BCOR: variants seen among roughly 807,000 people sequenced by gnomAD.
BCOR encodes BCL-6 corepressor.
Under a neutral mutation model 86.7 loss-of-function variants are expected in BCOR, and 10 were observed. The observed-to-expected ratio is 0.12, with a 90% CI of 0.07 to 0.20. The LOEUF (loss-of-function observed/expected upper bound fraction) is 0.20, where lower values mean the gene tolerates loss of function less well. Among genes scored for constraint, BCOR ranks in the 10% least tolerant of loss-of-function variants. BCOR has a pLI of 1.00. For missense variants in BCOR, 1,259 were observed against 1,452.1 expected, an observed-to-expected ratio of 0.87 and a Z score of 2.16; for synonymous variants, 611 against 609.0, an observed-to-expected ratio of 1.00 and a Z score of -0.05.
At chrX:40,106,621 T>C (rs1484968009) in intron 1 of BCOR, among the ~76,000 whole-genome samples, 1 of 111,626 alleles carries the variant, frequency 9.0e-6, no homozygotes, top group Non-Finnish European at 1.9e-5. Context: ...GCAGTTTTAA[T>C]GCTCTGCTTT....
intron 3 of BCOR, among the ~76,000 whole-genome samples, 191 bp from the exon 4 acceptor site, chrX:40,075,371 G>A (rs1935756638): frequency 9.0e-6 from 1 of 111,409 alleles, no homozygotes; most frequent in African/African-American, 3.3e-5. Context: ...TTTGCTGCCT[G>A]CCTTCTCACC....
chrX:40,116,386 A>G (rs1009653740), intron 1 of BCOR, among the ~76,000 whole-genome samples: 6 of 109,329 alleles, frequency 5.5e-5, no homozygotes, highest in Non-Finnish European at 1.1e-4. Flanking sequence ...AGTCCCAGCT[A>G]CTCGGGAGGC....
intron 1 of BCOR, among the ~76,000 whole-genome samples, chrX:40,145,541 C>T (rs1053882718): frequency 9.0e-6 from 1 of 111,280 alleles, no homozygotes; most frequent in African/African-American, 3.3e-5. Flanking sequence ...GTGTGACCTC[C>T]ACTAAGCCTG....
chrX:40,170,312 T>C (rs893406235), intron 1 of BCOR, among the ~76,000 whole-genome samples: 1 of 110,503 alleles, frequency 9.0e-6, no homozygotes, highest in Non-Finnish European at 1.9e-5. Flanking sequence ...GCCAGGAAGC[T>C]ACTATAAATT....
At chrX:40,137,070 G>A (rs1937695534) in intron 1 of BCOR, among the ~76,000 whole-genome samples, 1 of 112,132 alleles carries the variant, frequency 8.9e-6, no homozygotes, top group Non-Finnish European at 1.9e-5. Context: ...CTTCACTGGG[G>A]GGAACTTCAA....
At chrX:40,052,570 TTTTTTTTTTTTG>T (rs1934368795) in intron 14 of BCOR, among the ~76,000 whole-genome samples, 170 bp from the exon 15 acceptor site, 2 of 61,261 alleles carry the variant, frequency 3.3e-5, no homozygotes, top group South Asian at 1.1e-3. Context: ...TTTTTTTTTT[TTTTTTTTTTTTG>T]GAGACGGAAT....
At chrX:40,176,504 A>C (rs1282283486) in intron 1 of BCOR, among the ~76,000 whole-genome samples, 6 of 110,780 alleles carry the variant, frequency 5.4e-5, no homozygotes, top group Admixed American at 2.8e-4. Flanking sequence ...AAGAGCGGCG[A>C]CTCCATTCTT....
intron 1 of BCOR, among the ~76,000 whole-genome samples, chrX:40,148,557 T>A: frequency 9.0e-6 from 1 of 110,755 alleles, no homozygotes; most frequent in Middle Eastern, 4.6e-3. Flanking sequence ...GGGCCCTTCA[T>A]GGGGGAGGAG....
At position 40,053,900 on chromosome X, in the gene BCOR, T is replaced by C. The variant is rs1368201343; in HGVS notation, c.4962A>G (p.Val1654=). The change falls in exon 14 of 15, where the codon GTA becomes GTG. Residue 1654 remains valine (V), a synonymous_variant. Coordinates refer to ENST00000378444, the MANE Select transcript of BCOR (RefSeq NM_001123385.2). ...TPLLPCYNIQ[V]SVAQGPRNWL... is the part of the protein sequence containing the mutation. ...GCCATGCTCACCCCTGAGCCACAGA[T>C]ACTTGGATGTTATAACACGGTAAGA... is the stretch of plus-strand genomic sequence containing the variant. 8.3e-7 allele frequency: 1 copy of C among 1,211,332 alleles called. No individual in the cohort carries two copies.
chrX:40,078,091 C>T, intron 1 of BCOR, 122 bp from the exon 2 acceptor site: 4 of 499,292 alleles, frequency 8.0e-6, no homozygotes, highest in Non-Finnish European at 1.4e-5. Flanking sequence ...CAGGCTGTGC[C>T]TGCTGTCTAC....
intron 1 of BCOR, among the ~76,000 whole-genome samples, chrX:40,111,586 C>T (rs981524974): frequency 2.7e-5 from 3 of 111,797 alleles, no homozygotes; most frequent in Non-Finnish European, 5.6e-5. Flanking sequence ...AGAAGATCTG[C>T]TCTGTGTATT....
chrX:40,123,604 C>T (rs1340494202), intron 1 of BCOR, among the ~76,000 whole-genome samples: 1 of 111,069 alleles, frequency 9.0e-6, no homozygotes, highest in Non-Finnish European at 1.9e-5. Flanking sequence ...CCGCCCGCCT[C>T]GGCCTCCCAA....
chrX:40,092,621 G>T (rs1569172495), intron 1 of BCOR, among the ~76,000 whole-genome samples: 2 of 111,436 alleles, frequency 1.8e-5, no homozygotes, highest in Admixed American at 9.5e-5. Context: ...CCACAAAGTG[G>T]AAAGCTACCC....
chrX:40,086,339 G>A (rs1278072909), intron 1 of BCOR, among the ~76,000 whole-genome samples: 3 of 112,697 alleles, frequency 2.7e-5, no homozygotes, highest in Non-Finnish European at 5.6e-5. Flanking sequence ...CTTACTTAGG[G>A]CTGAAAGTTA....
At chrX:40,101,846 G>T (rs1258954448), upstream of BCOR, among the ~76,000 whole-genome samples, 24 of 112,796 alleles carry the variant, frequency 2.1e-4, no homozygotes, top group Admixed American at 2.2e-3. Context: ...ATGACACTTG[G>T]TACTGGAACA....
chrX:40,175,354 C>T (rs1387107269), intron 1 of BCOR, among the ~76,000 whole-genome samples: 1 of 113,379 alleles, frequency 8.8e-6, no homozygotes, highest in African/African-American at 3.2e-5. Flanking sequence ...CCGGCGGCCG[C>T]CCAGCGCCCG....
In BCOR at chrX:40,108,657, C is replaced by T. The variant is rs945651374; in HGVS notation, c.-40-30688G>A. On this transcript the variant is annotated intron_variant, in intron 1 of 14. Transcript: ENST00000342274. ...CGTTACAGCGCTGCCCCTGGGAGAG[C>T]TTGAACATTAACGAGTCGCCTCGGG... Among the ~76,000 whole-genome samples, 3 of 113,434 alleles carry T rather than the reference C, an allele frequency of 2.6e-5. No individual in the cohort carries two copies. In the Admixed American group the frequency reaches 2.8e-4, roughly 10 times the overall value.
chrX:40,072,739 A>G lies in BCOR; in HGVS notation c.2607T>C (p.Tyr869=), dbSNP rs376765462. Residue 869 remains tyrosine (Y), a synonymous_variant, in exon 4 of 15, where the codon TAT becomes TAC. Coordinates refer to ENST00000378444, the MANE Select transcript of BCOR (RefSeq NM_001123385.2). The part of the protein sequence containing the change: ...LGRISDFHET[Y]TFKQPVFTVS... ...CGGTGAAGACTGGCTGTTTGAAAGT[A>G]TAAGTTTCGTGGAAGTCACTGATGC... The G allele has an allele frequency of 9.1e-6, 11 of 1,210,133 alleles. No homozygotes were observed. Among genetic ancestry groups the G allele is most frequent in the South Asian group, 7.0e-5 (4 of 56,810 alleles).
intron 1 of BCOR, among the ~76,000 whole-genome samples, chrX:40,083,362 G>A (rs2147447906): frequency 9.0e-6 from 1 of 111,328 alleles, no homozygotes; most frequent in Admixed American, 9.3e-5. Flanking sequence ...CCCAGGTGCT[G>A]CCTCTTGGCA....
Sources: allele counts gnomAD v4.1 joint callset (sites outside exome capture counted in the v4.1 genomes callset), GRCh38; gene constraint gnomAD v4.1.1; transcripts MANE v1.5; gene names NCBI Gene and HGNC (gene_info 2026-07-23, HGNC 2026-07-21).